GTF2IRD1: variants seen among roughly 807,000 people sequenced by gnomAD.
GTF2IRD1 encodes general transcription factor II-I repeat domain-containing protein 1.
A neutral mutation model predicts 113.2 loss-of-function variants in GTF2IRD1; 26 were observed. The observed-to-expected ratio is 0.23, with a 90% CI of 0.17 to 0.32. The LOEUF (loss-of-function observed/expected upper bound fraction) is 0.32, where lower values mean the gene tolerates loss of function less well. GTF2IRD1 is among the 10% of genes least tolerant of loss of function. The pLI, the probability that GTF2IRD1 is intolerant of heterozygous loss-of-function variation, is 1.00. For synonymous variants in GTF2IRD1, 484 were observed against 529.1 expected (o/e 0.91, Z 1.17); for missense variants, 864 against 1,280.8 (o/e 0.67, Z 4.97).
At chr7:74,498,246 T>G (rs1795839541) in intron 1 of GTF2IRD1, among the ~76,000 whole-genome samples, 1 of 142,386 alleles carries the variant, frequency 7.0e-6, no homozygotes, top group Admixed American at 7.1e-5. Context: ...CAAGTTATCC[T>G]CTCACCTTGG....
Position 74,524,076 on chromosome 7 carries a change from T to C in GTF2IRD1, c.1012T>C (p.Trp338Arg). ...TGCCTCCTGTGTTTTGATAGAGAAG[T>C]GGGACGCCTTCATAAAGGAAACCGA... ...FSIVHDKSEKWDAFIKETEDI... is the reference protein window; with the variant it reads ...FSIVHDKSEKRDAFIKETEDI... Residue 338 changes from tryptophan to arginine, a missense_variant, in exon 8 of 27, where the codon TGG (tryptophan) becomes CGG (arginine). By Grantham distance (101) the Trp-to-Arg change is moderately radical. This residue lies in a region of GTF2IRD1 where 195 missense variants were observed against 196.6 expected (regional missense o/e 0.99). Transcript: ENST00000424337. 6.2e-7 allele frequency: 1 copy of C among 1,610,152 alleles called. No individual in the cohort carries two copies. Among genetic ancestry groups the C allele is most frequent in the Non-Finnish European group, 8.5e-7 (1 of 1,177,334 alleles).
chr7:74,568,540 T>C (rs1289693672), intron 22 of GTF2IRD1, among the ~76,000 whole-genome samples: 3 of 151,574 alleles, frequency 2.0e-5, no homozygotes, highest in Admixed American at 1.3e-4. Flanking sequence ...CCCAGCTACT[T>C]GGGAGGCTGA....
At chr7:74,566,756 C>T (rs1288913889) in intron 22 of GTF2IRD1, among the ~76,000 whole-genome samples, 3 of 152,210 alleles carry the variant, frequency 2.0e-5, no homozygotes, top group African/African-American at 7.2e-5. Context: ...GCAGCTTTCT[C>T]AAGGTCACAC....
At chr7:74,508,474 T>G (rs2299958) in intron 2 of GTF2IRD1, among the ~76,000 whole-genome samples, 11,651 of 151,996 alleles carry the variant, frequency 0.077, 1,361 homozygotes, top group African/African-American at 0.26. Context: ...GGTGGATCAC[T>G]AGGTCAGTGG....
At chr7:74,546,308 G>A (rs1298209538) in intron 16 of GTF2IRD1, among the ~76,000 whole-genome samples, 1 of 148,156 alleles carries the variant, frequency 6.7e-6, no homozygotes, top group Non-Finnish European at 1.5e-5. Flanking sequence ...TGCAACCTGC[G>A]CTTCCTGGGT....
chr7:74,515,496 C>T lies in GTF2IRD1; in HGVS notation c.321C>T (p.Gly107=), dbSNP rs111256098. 0.014 allele frequency: 22,516 copies of T among 1,612,204 alleles called. 237 individuals are homozygous for T. The highest frequency in any genetic ancestry group is 0.026 in the Middle Eastern group (157 of 6,038). ...EAEHPKKVQR[G]EGGGRSLPRS... ...AGCACCCCAAGAAGGTGCAGCGGGG[C>T]GAGGGTGGAGGCCGTAGCCTCCCTC... The change falls in exon 4 of 27, where the codon GGC becomes GGT. Residue 107 remains glycine, a synonymous_variant. Transcript: ENST00000424337.
intron 1 of GTF2IRD1, among the ~76,000 whole-genome samples, chr7:74,464,467 A>C (rs952803214): frequency 1.3e-5 from 2 of 151,786 alleles, no homozygotes; most frequent in African/African-American, 2.4e-5. Context: ...TTGTTTTTGA[A>C]ACAGAGTCTC....
intron 22 of GTF2IRD1, among the ~76,000 whole-genome samples, chr7:74,563,277 C>T (rs1350404756): frequency 2.0e-5 from 3 of 152,048 alleles, no homozygotes; most frequent in Non-Finnish European, 4.4e-5. Context: ...GGGGGACAAA[C>T]CCTGTTAAGA....
intron 1 of GTF2IRD1, among the ~76,000 whole-genome samples, chr7:74,499,402 G>GGGAA (rs781813202): frequency 3.2e-4 from 48 of 151,776 alleles, no homozygotes; most frequent in Non-Finnish European, 3.1e-4. Context: ...AAGGGAGGAA[G>GGGAA]GGAAGGAAGG....
chr7:74,564,134 C>T (rs1554359919), intron 22 of GTF2IRD1, among the ~76,000 whole-genome samples: 2 of 152,104 alleles, frequency 1.3e-5, no homozygotes, highest in African/African-American at 4.8e-5. Flanking sequence ...TCAAGCGATT[C>T]GCCTGCCTCA....
intron 4 of GTF2IRD1, among the ~76,000 whole-genome samples, chr7:74,517,427 CTTTTTTTTTTT>C (rs59499031): frequency 3.5e-4 from 27 of 77,402 alleles, no homozygotes; most frequent in South Asian, 4.3e-4. Context: ...CTCCCTACAC[CTTTTTTTTTTT>C]TTTTTTTTTT....
intron 25 of GTF2IRD1, among the ~76,000 whole-genome samples, chr7:74,600,050 G>A (rs1802655264): frequency 6.6e-6 from 1 of 152,182 alleles, no homozygotes; most frequent in Non-Finnish European, 1.5e-5. Flanking sequence ...GAGGGTTGCT[G>A]GGAGGATCCC....
chr7:74,522,147 G>T (rs189223611), intron 7 of GTF2IRD1, among the ~76,000 whole-genome samples: 21 of 151,934 alleles, frequency 1.4e-4, no homozygotes, highest in African/African-American at 4.8e-4. Context: ...CTTAGAAATT[G>T]CTGTCATATT....
chr7:74,502,147 C>T (rs1449639014), intron 1 of GTF2IRD1, among the ~76,000 whole-genome samples: 1 of 152,198 alleles, frequency 6.6e-6, no homozygotes, highest in Non-Finnish European at 1.5e-5. Flanking sequence ...CCATGTTTCC[C>T]AGGCTGGTCT....
intron 1 of GTF2IRD1, among the ~76,000 whole-genome samples, chr7:74,485,550 G>A (rs1794974147): frequency 6.6e-6 from 1 of 151,970 alleles, no homozygotes; most frequent in Non-Finnish European, 1.5e-5. Flanking sequence ...CCAGGAGGCG[G>A]AGCTTGCAGT....
intron 1 of GTF2IRD1, among the ~76,000 whole-genome samples, chr7:74,490,258 C>G (rs1277298387): frequency 6.6e-6 from 1 of 152,158 alleles, no homozygotes; most frequent in African/African-American, 2.4e-5. Flanking sequence ...GCCACTGCGC[C>G]CAGTGAGACC....
chr7:74,537,296 C>T (rs1479703927), intron 11 of GTF2IRD1, among the ~76,000 whole-genome samples: 3 of 151,966 alleles, frequency 2.0e-5, no homozygotes, highest in Non-Finnish European at 2.9e-5. Context: ...GCCTGTAGTC[C>T]CAGCCACTCG....
At chr7:74,570,710 C>T (rs1161302268) in intron 22 of GTF2IRD1, among the ~76,000 whole-genome samples, 3 of 152,124 alleles carry the variant, frequency 2.0e-5, no homozygotes, top group Admixed American at 6.6e-5. Flanking sequence ...TTTTTAAAAG[C>T]TTTGGAAGGT....
At chr7:74,566,502 C>T (rs1426046442) in intron 22 of GTF2IRD1, among the ~76,000 whole-genome samples, 2 of 152,234 alleles carry the variant, frequency 1.3e-5, no homozygotes, top group East Asian at 3.8e-4. Flanking sequence ...GCCACCATGC[C>T]AGGCTAATTT....
Sources: gnomAD v4.1 joint callset for allele counts (sites outside exome capture counted in the v4.1 genomes callset) on GRCh38, gnomAD v4.1.1 for gene constraint, gnomAD v4.1.1 regional missense constraint, MANE v1.5 for transcripts, NCBI Gene and HGNC (gene_info 2026-07-23, HGNC 2026-07-21) for gene names.